Variants in ZNF407 observed in about 807,000 individuals in gnomAD.
ZNF407 encodes the protein zinc finger protein 407.
ZNF407 carries 17 observed loss-of-function variants against 131.2 expected under a neutral mutation model. That is an observed-to-expected ratio of 0.13 (90% CI 0.09 to 0.19). The LOEUF (loss-of-function observed/expected upper bound fraction) is 0.19. ZNF407 is among the 10% of genes least tolerant of loss of function. The pLI is 1.00. For synonymous variants in ZNF407, 1,156 were observed against 1,062.0 expected, an observed-to-expected ratio of 1.09 and a Z score of -1.72; for missense variants, 2,681 against 2,830.6, an observed-to-expected ratio of 0.95 and a Z score of 1.20.
intron 3 of ZNF407, among the ~76,000 whole-genome samples, chr18:74,650,454 A>G (rs1167494186): frequency 6.6e-6 from 1 of 152,208 alleles, no homozygotes; most frequent in Admixed American, 6.5e-5. Flanking sequence ...ACTTGTAAAC[A>G]TTGAGAGAAA....
chr18:74,604,230 A>G (rs778427376), intron 1 of ZNF407, among the ~76,000 whole-genome samples: 2 of 152,212 alleles, frequency 1.3e-5, no homozygotes, highest in East Asian at 1.9e-4. Flanking sequence ...AGGGAATTCC[A>G]TGAAGTTCTT....
chr18:74,666,636 CT>C (rs1985941580), intron 3 of ZNF407, among the ~76,000 whole-genome samples: 1 of 152,144 alleles, frequency 6.6e-6, no homozygotes, highest in African/African-American at 2.4e-5. Context: ...TTCATTCTCC[CT>C]TCCTAGTGGG....
At chr18:74,673,334 G>A (rs913617973) in intron 3 of ZNF407, among the ~76,000 whole-genome samples, 1 of 152,180 alleles carries the variant, frequency 6.6e-6, no homozygotes, top group Non-Finnish European at 1.5e-5. Context: ...TTCTTCTGGA[G>A]CTCTAGGGCT....
intron 8 of ZNF407, among the ~76,000 whole-genome samples, chr18:74,987,371 G>T (rs1972665555): frequency 6.6e-6 from 1 of 152,096 alleles, no homozygotes; most frequent in Non-Finnish European, 1.5e-5. Context: ...TATTATTATA[G>T]GTCTTACTGT....
Position 74,634,141 on chromosome 18 carries a change from C to T in ZNF407, c.3122C>T (p.Thr1041Ile). Residue 1041 changes from threonine (T) to isoleucine (I), a missense_variant, in exon 2 of 9, where the codon ACA (threonine) becomes ATA (isoleucine). Coordinates refer to ENST00000299687, the MANE Select transcript of ZNF407 (RefSeq NM_017757.3). ...SLELHVKRKH[T>I]KEFEFYCMAC... Reference sequence around the variant, plus strand: ...GAGCTGCATGTAAAACGGAAACATACAAAAGAGTTTGAGTTTTATTGCATG... The same window carrying T: ...GAGCTGCATGTAAAACGGAAACATATAAAAGAGTTTGAGTTTTATTGCATG... 1.2e-6 allele frequency: 2 copies of T among 1,613,978 alleles called. No homozygotes were observed. Among genetic ancestry groups the T allele is most frequent in the South Asian group, 1.1e-5 (1 of 91,074 alleles).
intron 4 of ZNF407, among the ~76,000 whole-genome samples, chr18:74,838,162 T>C (rs1051305941): frequency 2.0e-5 from 3 of 152,236 alleles, no homozygotes; most frequent in Admixed American, 2.0e-4. Context: ...TTTTCCTCTC[T>C]ACCCACTCCT....
intron 8 of ZNF407, among the ~76,000 whole-genome samples, chr18:75,031,544 A>G (rs530912367): frequency 3.3e-5 from 5 of 152,300 alleles, no homozygotes; most frequent in Admixed American, 6.5e-5. Context: ...CAGCACTGTG[A>G]CTCATGAAAC....
chr18:74,817,500 T>A lies in ZNF407; in HGVS notation c.4877+35998T>A, dbSNP rs914826812. Among the ~76,000 whole-genome samples the A allele has an allele frequency of 7.9e-5, 12 of 152,314 alleles. No individual in the cohort carries two copies. In the East Asian group the frequency reaches 2.3e-3, roughly 29 times the overall value. Reference sequence around the variant, plus strand: ...AATTTAGAAAAATATGTGTGATAATTTATATGTAAAAATAGGTAACTTTTA... The same window carrying A: ...AATTTAGAAAAATATGTGTGATAATATATATGTAAAAATAGGTAACTTTTA... On this transcript the variant is annotated intron_variant, in intron 4 of 8. Transcript: ENST00000299687.
At chr18:75,047,522 G>A (rs942323069) in intron 8 of ZNF407, among the ~76,000 whole-genome samples, 1 of 151,984 alleles carries the variant, frequency 6.6e-6, no homozygotes, top group Non-Finnish European at 1.5e-5. Flanking sequence ...TGTAATAGAG[G>A]CTTTTCCAAG....
intron 8 of ZNF407, among the ~76,000 whole-genome samples, chr18:74,979,196 G>A (rs537583599): frequency 1.3e-5 from 2 of 152,246 alleles, no homozygotes; most frequent in East Asian, 3.9e-4. Context: ...AGTCTACTTG[G>A]TGCAATAGCT....
rs371127226 is a variant in ZNF407, at chr18:74,631,464, A to G, written c.445A>G (p.Thr149Ala). The G allele has an allele frequency of 6.2e-7, 1 of 1,613,920 alleles. No homozygotes were observed. Among genetic ancestry groups the G allele is most frequent in the African/African-American group, 1.3e-5 (1 of 74,924 alleles). ...TGATGTTGTTTCTCTGAAAACAGAC[A>G]CTGAAAAAACATCTGCTCAGGAAAT... ...TIDVVSLKTD[T>A]EKTSAQEMVS... is the part of the protein sequence containing the mutation. Residue 149 changes from threonine (T) to alanine (A), a missense_variant, in exon 2 of 9, where the codon ACT becomes GCT. This residue lies in a region of ZNF407 where 1,789 missense variants were observed against 1,748.7 expected (regional missense o/e 1.02). Coordinates refer to ENST00000299687, the MANE Select transcript of ZNF407 (RefSeq NM_017757.3).
chr18:75,038,914 T>A (rs1187238744), intron 8 of ZNF407, among the ~76,000 whole-genome samples: 1 of 152,228 alleles, frequency 6.6e-6, no homozygotes, highest in Non-Finnish European at 1.5e-5. Flanking sequence ...TGAGGTTATT[T>A]GGTGGCAATC....
At chr18:75,010,159 T>A (rs761812929) in intron 8 of ZNF407, among the ~76,000 whole-genome samples, 4 of 152,186 alleles carry the variant, frequency 2.6e-5, no homozygotes, top group Non-Finnish European at 4.4e-5. Context: ...ATCGTGTGTT[T>A]GCTAATAAAG....
intron 4 of ZNF407, among the ~76,000 whole-genome samples, chr18:74,797,554 A>G (rs1230097764): frequency 6.6e-6 from 1 of 152,232 alleles, no homozygotes; most frequent in East Asian, 1.9e-4. Flanking sequence ...CTGCTGCAGA[A>G]TTGTATTGTG....
chr18:74,747,541 A>G (rs1968698319), intron 3 of ZNF407, among the ~76,000 whole-genome samples: 2 of 152,110 alleles, frequency 1.3e-5, no homozygotes, highest in African/African-American at 4.8e-5. Context: ...AAATAACTGA[A>G]GAAAAATCTA....
At chr18:74,928,441 G>A (rs983702193) in intron 8 of ZNF407, among the ~76,000 whole-genome samples, 5 of 152,144 alleles carry the variant, frequency 3.3e-5, no homozygotes, top group African/African-American at 7.2e-5. Flanking sequence ...GACCTTAAAA[G>A]GTGTCAGACT....
chr18:75,048,165 C>T lies in ZNF407; in HGVS notation c.5429-14985C>T, dbSNP rs1973457436. ...CTGAAGCTGACACCTGTCAGCAGCA[C>T]CAGGCCTGTGCCTCGTCTCCCGGTG... On this transcript the variant is annotated intron_variant, in intron 8 of 8. Coordinates refer to ENST00000299687, the MANE Select transcript of ZNF407 (RefSeq NM_017757.3). This position sits in a 1 kb window ranked among gnomAD's most constrained non-coding sequence, Gnocchi z 4.1. 6.6e-6 allele frequency among the ~76,000 whole-genome samples: 1 copy of T among 152,354 alleles called. No individual in the cohort carries two copies. The highest frequency in any genetic ancestry group is 2.4e-5 in the African/African-American group (1 of 41,572).
intron 8 of ZNF407, among the ~76,000 whole-genome samples, chr18:75,019,247 T>C (rs1973079216): frequency 6.6e-6 from 1 of 152,100 alleles, no homozygotes; most frequent in Non-Finnish European, 1.5e-5. Flanking sequence ...ACAGAATACA[T>C]AAAATAAAAT....
chr18:75,023,736 A>G (rs1411064370), intron 8 of ZNF407, among the ~76,000 whole-genome samples: 2 of 152,196 alleles, frequency 1.3e-5, no homozygotes, highest in African/African-American at 4.8e-5. Context: ...ACATGAATGC[A>G]AGTATTGGTG....
Sources: allele counts gnomAD v4.1 joint callset (sites outside exome capture counted in the v4.1 genomes callset), GRCh38; gene constraint gnomAD v4.1.1; regional missense constraint gnomAD v4.1.1; non-coding constraint Gnocchi (gnomAD v3.1); transcripts MANE v1.5; gene names NCBI Gene and HGNC (gene_info 2026-07-23, HGNC 2026-07-21).